MYC: variants seen among roughly 807,000 people sequenced by gnomAD.
MYC encodes the protein MYC proto-oncogene, bHLH transcription factor.
Under a neutral mutation model 30.5 loss-of-function variants are expected in MYC, and 1 was observed. That is an observed-to-expected ratio of 0.03 (90% confidence interval 0.01 to 0.16). The LOEUF is 0.16. Among genes scored for constraint, MYC ranks in the 10% least tolerant of loss-of-function variants. The probability of loss-of-function intolerance (pLI) is 1.00; values close to 1 mark genes in which losing one functional copy is unlikely to be tolerated. For missense variants in MYC, 508 were observed against 589.0 expected, an observed-to-expected ratio of 0.86 and a Z score of 1.42; for synonymous variants, 267 against 250.7, an observed-to-expected ratio of 1.07 and a Z score of -0.62.
intron 1 of MYC, among the ~76,000 whole-genome samples, chr8:127,737,033 C>T (rs1281507977): frequency 6.6e-6 from 1 of 152,238 alleles, no homozygotes. Flanking sequence ...GACCGCATAT[C>T]GCCTGTGTGA....
At chr8:127,737,052 G>C (rs988260458) in intron 1 of MYC, among the ~76,000 whole-genome samples, 3 of 152,232 alleles carry the variant, frequency 2.0e-5, no homozygotes, top group African/African-American at 7.2e-5. Context: ...GAGCCAGATC[G>C]CTCCGCAGCC....
chr8:127,736,937 G>A (rs1205014574), intron 1 of MYC, among the ~76,000 whole-genome samples: 1 of 152,190 alleles, frequency 6.6e-6, no homozygotes, highest in Non-Finnish European at 1.5e-5. Flanking sequence ...GCTTTATTGT[G>A]TTAATTGCTC....
Position 127,738,934 on chromosome 8 carries a change from C to G in MYC, c.717C>G (p.Leu239=). Reference sequence around the variant, plus strand: ...TCTCTCCGTCCTCGGATTCTCTGCTCTCCTCGACGGAGTCCTCCCCGCAGG... The same window carrying G: ...TCTCTCCGTCCTCGGATTCTCTGCTGTCCTCGACGGAGTCCTCCCCGCAGG... The change falls in exon 2 of 3, where the codon CTC becomes CTG. Residue 239 remains leucine (L), a synonymous_variant. Coordinates refer to ENST00000621592, the MANE Select transcript of MYC (RefSeq NM_002467.6). This position sits in a 1 kb window ranked among gnomAD's most constrained non-coding sequence, Gnocchi z 7.6. 3 of 1,605,204 alleles carry G rather than the reference C, an allele frequency of 1.9e-6. No homozygotes were observed. Among genetic ancestry groups the G allele is most frequent in the Non-Finnish European group, 2.5e-6 (3 of 1,179,184 alleles).
At position 127,736,498 on chromosome 8, in the gene MYC, C is replaced by T. The variant is rs4645949; in HGVS notation, c.-96C>T. On this transcript the variant is annotated 5_prime_UTR_variant, in exon 1 of 3. Transcript: ENST00000621592. ...ACACCCGAGCAAGGACGCGACTCTCCCGACGCGGGGAGGCTATTCTGCCCA... is the reference window on the plus strand; with the variant it reads ...ACACCCGAGCAAGGACGCGACTCTCTCGACGCGGGGAGGCTATTCTGCCCA... 9.2e-3 allele frequency: 12,946 copies of T among 1,413,208 alleles called. 105 individuals are homozygous for T. The highest frequency in any genetic ancestry group is 9.3e-3 in the Non-Finnish European group (9,418 of 1,011,140). 87.5% of individuals were successfully genotyped at this position (1,413,208 alleles called of 1,614,324 possible).
chr8:127,738,479 TC>T lies in MYC; in HGVS notation c.264del (p.Tyr89ThrfsTer29), dbSNP rs1813645768. ...CCGCCGCTCCGGGCTCTGCTCGCCC[TC>T]CTACGTTGCGGTCACACCCTTCTCC... On this transcript the variant is annotated frameshift_variant, in exon 2 of 3. Transcript: ENST00000621592. LOFTEE classifies it high-confidence loss of function. This position sits in a 1 kb window ranked among gnomAD's most constrained non-coding sequence, Gnocchi z 7.6. 6.2e-7 allele frequency: 1 copy of T among 1,605,828 alleles called. No individual in the cohort carries two copies. Among genetic ancestry groups the T allele is most frequent in the African/African-American group, 1.3e-5 (1 of 74,794 alleles).
chr8:127,741,056 T>C lies in MYC; in HGVS notation c.*98T>C. On this transcript the variant is annotated 3_prime_UTR_variant, in exon 3 of 3. Coordinates refer to ENST00000621592, the MANE Select transcript of MYC (RefSeq NM_002467.6). ...ATGATCAAATGCAACCTCACAACCT[T>C]GGCTGAGTCTTGAGACTGAAAGATT... The C allele has an allele frequency of 8.6e-7, 1 of 1,161,596 alleles. No individual in the cohort carries two copies. Among genetic ancestry groups the C allele is most frequent in the South Asian group, 2.1e-5 (1 of 48,008 alleles). The allele number at this position is 1,161,596 out of a possible 1,614,324, so 72.0% of individuals were successfully genotyped here.
chr8:127,737,324 T>A (rs1454372648), intron 1 of MYC, among the ~76,000 whole-genome samples: 12 of 152,242 alleles, frequency 7.9e-5, no homozygotes, highest in Non-Finnish European at 1.8e-4. Context: ...CCGATTCTCC[T>A]GGAATCGTTG....
At position 127,740,415 on chromosome 8, in the gene MYC, G is replaced by A. The variant is rs753630724; in HGVS notation, c.822G>A (p.Glu274=). 3.1e-6 allele frequency: 5 copies of A among 1,613,536 alleles called. No homozygotes were observed. The Admixed American group carries it at 5.0e-5, about 16-fold the overall frequency. ...TTAAAGAGGAGGAACAAGAAGATGA[G>A]GAAGAAATCGATGTTGTTTCTGTGG... The change falls in exon 3 of 3, where the codon GAG becomes GAA. Residue 274 remains glutamate, a synonymous_variant. Coordinates refer to ENST00000621592, the MANE Select transcript of MYC (RefSeq NM_002467.6).
chr8:127,738,544 C>T lies in MYC; in HGVS notation c.327C>T (p.Ser109=). Reference sequence around the variant, plus strand: ...ACGACGGCGGTGGCGGGAGCTTCTCCACGGCCGACCAGCTGGAGATGGTGA... The same window carrying T: ...ACGACGGCGGTGGCGGGAGCTTCTCTACGGCCGACCAGCTGGAGATGGTGA... Residue 109 remains serine (S), a synonymous_variant, in exon 2 of 3, where the codon TCC becomes TCT. Transcript: ENST00000621592. The surrounding 1 kb of genome is among the most constrained non-coding windows in gnomAD (Gnocchi z 7.6). The T allele has an allele frequency of 6.2e-7, 1 of 1,612,856 alleles. No homozygotes were observed. Among genetic ancestry groups the T allele is most frequent in the Non-Finnish European group, 8.5e-7 (1 of 1,179,228 alleles).
In MYC at chr8:127,738,551, G is replaced by A. The variant is rs1296200537; in HGVS notation, c.334G>A (p.Asp112Asn). 1 of 1,612,954 alleles carries A rather than the reference G, an allele frequency of 6.2e-7. No individual in the cohort carries two copies. The highest frequency in any genetic ancestry group is 8.5e-7 in the Non-Finnish European group (1 of 1,179,284). ...CGGTGGCGGGAGCTTCTCCACGGCC[G>A]ACCAGCTGGAGATGGTGACCGAGCT... Residue 112 changes from aspartate (D) to asparagine (N), a missense_variant, in exon 2 of 3, where the codon GAC becomes AAC. By Grantham distance (23) the Asp-to-Asn change is conservative (BLOSUM62 1). Coordinates refer to ENST00000621592, the MANE Select transcript of MYC (RefSeq NM_002467.6). This position sits in a 1 kb window ranked among gnomAD's most constrained non-coding sequence, Gnocchi z 7.6.
In MYC at chr8:127,738,623, G is replaced by A. The variant is rs1454889513; in HGVS notation, c.406G>A (p.Asp136Asn). Residue 136 changes from aspartate to asparagine, a missense_variant, in exon 2 of 3, where the codon GAC (aspartate) becomes AAC (asparagine). Asp to Asn is a conservative substitution (Grantham distance 23). Around this residue, in one of 5 missense-constraint regions of MYC, gnomAD observed 364 missense variants for 381.1 expected, o/e 0.96. Coordinates refer to ENST00000621592, the MANE Select transcript of MYC (RefSeq NM_002467.6). The surrounding 1 kb of genome is among the most constrained non-coding windows in gnomAD (Gnocchi z 7.6). ...CCAGAGTTTCATCTGCGACCCGGAC[G>A]ACGAGACCTTCATCAAAAACATCAT... 6.2e-7 allele frequency: 1 copy of A among 1,612,996 alleles called. No homozygotes were observed. The highest frequency in any genetic ancestry group is 8.5e-7 in the Non-Finnish European group (1 of 1,179,224).
rs780361249 is a variant in MYC, at chr8:127,738,354, T to C, written c.137T>C (p.Phe46Ser). 1.2e-6 allele frequency: 2 copies of C among 1,614,094 alleles called. No homozygotes were observed. Among genetic ancestry groups the C allele is most frequent in the South Asian group, 2.2e-5 (2 of 91,078 alleles). The change falls in exon 2 of 3, where the codon TTC becomes TCC. Residue 46 changes from phenylalanine (F) to serine (S), a missense_variant. Physicochemically the swap from Phe to Ser is radical, Grantham distance 155. This residue lies in a region of MYC where 70 missense variants were observed against 84.5 expected (regional missense o/e 0.83). Transcript: ENST00000621592. This position sits in a 1 kb window ranked among gnomAD's most constrained non-coding sequence, Gnocchi z 7.6. ...TTCTACTGCGACGAGGAGGAGAACT[T>C]CTACCAGCAGCAGCAGCAGAGCGAG... is the stretch of plus-strand genomic sequence containing the variant.
rs748361858 is a variant in MYC at position 127,736,599 on chromosome 8, T to C, written c.6T>C (p.Asp2=). 2 of 1,614,092 alleles carry C rather than the reference T, an allele frequency of 1.2e-6. No individual in the cohort carries two copies. The highest frequency in any genetic ancestry group is 1.7e-6 in the Non-Finnish European group (2 of 1,179,980). ...TCCTTGCAGCTGCTTAGACGCTGGA[T>C]TTTTTTCGGGTAGTGGAAAACCAGG... Residue 2 remains aspartate (D), a synonymous_variant, in exon 1 of 3, where the codon GAT becomes GAC. Coordinates refer to ENST00000621592, the MANE Select transcript of MYC (RefSeq NM_002467.6).
intron 1 of MYC, among the ~76,000 whole-genome samples, chr8:127,737,740 G>A (rs905554573): frequency 6.6e-6 from 1 of 152,162 alleles, no homozygotes; most frequent in Admixed American, 6.5e-5. Flanking sequence ...GGTGCCGGCG[G>A]GGGTAGGAGA....
chr8:127,739,328 T>C (rs1813667957), intron 2 of MYC, among the ~76,000 whole-genome samples: 1 of 152,262 alleles, frequency 6.6e-6, no homozygotes, highest in Non-Finnish European at 1.5e-5. Context: ...GTTAACATTT[T>C]AATTGCCCTG....
At position 127,738,637 on chromosome 8, in the gene MYC, CA is replaced by C; in HGVS notation, c.425del (p.Asn142ThrfsTer55). 1.2e-6 allele frequency: 2 copies of C among 1,612,982 alleles called. No homozygotes were observed. The highest frequency in any genetic ancestry group is 1.7e-6 in the Non-Finnish European group (2 of 1,179,236). ...GCGACCCGGACGACGAGACCTTCATCAAAAACATCATCATCCAGGACTGTAT... is the reference window on the plus strand; with the variant it reads ...GCGACCCGGACGACGAGACCTTCATCAAAACATCATCATCCAGGACTGTAT... On this transcript the variant is annotated frameshift_variant, in exon 2 of 3. Coordinates refer to ENST00000621592, the MANE Select transcript of MYC (RefSeq NM_002467.6). LOFTEE classifies it high-confidence loss of function. The surrounding 1 kb of genome is among the most constrained non-coding windows in gnomAD (Gnocchi z 7.6).
At position 127,737,832 on chromosome 8, in the gene MYC, C is replaced by T. The variant is rs578118914; in HGVS notation, c.31-416C>T. 3.3e-5 allele frequency among the ~76,000 whole-genome samples: 5 copies of T among 152,272 alleles called. No homozygotes were observed. The South Asian group carries it at 8.3e-4, about 25-fold the overall frequency. ...GTTCACGCAGCCGCTAGCGCCCAGG[C>T]GCCTCTCGCCTTCTCCTTCAGGTGG... is the stretch of plus-strand genomic sequence containing the variant. On this transcript the variant is annotated intron_variant, in intron 1 of 2. Coordinates refer to ENST00000621592, the MANE Select transcript of MYC (RefSeq NM_002467.6).
In MYC at chr8:127,738,971, C is replaced by A; in HGVS notation, c.754C>A (p.Pro252Thr). 6.4e-7 allele frequency: 1 copy of A among 1,564,036 alleles called. No individual in the cohort carries two copies. The highest frequency in any genetic ancestry group is 8.6e-7 in the Non-Finnish European group (1 of 1,163,038). ...GTCCTCCCCGCAGGGCAGCCCCGAG[C>A]CCCTGGTGCTCCATGAGGAGACACC... is the stretch of plus-strand genomic sequence containing the variant. The change falls in exon 2 of 3, where the codon CCC becomes ACC. Residue 252 changes from proline to threonine, a missense_variant. This residue lies in a region of MYC where 364 missense variants were observed against 381.1 expected (regional missense o/e 0.96). Coordinates refer to ENST00000621592, the MANE Select transcript of MYC (RefSeq NM_002467.6). This position sits in a 1 kb window ranked among gnomAD's most constrained non-coding sequence, Gnocchi z 7.6.
In MYC at chr8:127,742,009, C is replaced by T. The variant is rs544395121; in HGVS notation, c.*1051C>T. ...AGGTTATGTAACTTATCTGTAGCCA[C>T]GCAGATAATACAAAGCAGCAATCTG... On this transcript the variant is annotated 3_prime_UTR_variant, in exon 3 of 3. Coordinates refer to ENST00000621592, the MANE Select transcript of MYC (RefSeq NM_002467.6). Among the ~76,000 whole-genome samples the T allele has an allele frequency of 5.3e-5, 8 of 152,280 alleles. No homozygotes were observed. The highest frequency in any genetic ancestry group is 3.4e-3 in the Middle Eastern group (1 of 294).
Sources: allele counts gnomAD v4.1 joint callset (sites outside exome capture counted in the v4.1 genomes callset), GRCh38; gene constraint gnomAD v4.1.1; regional missense constraint gnomAD v4.1.1; non-coding constraint Gnocchi (gnomAD v3.1); transcripts MANE v1.5; gene names NCBI Gene and HGNC (gene_info 2026-07-23, HGNC 2026-07-21).